C1orf87: variants seen among roughly 807,000 people sequenced by gnomAD.
C1orf87 encodes the protein uncharacterized protein C1orf87.
In C1orf87, 58 loss-of-function variants were observed where a neutral mutation model predicts 60.5. That is an observed-to-expected ratio of 0.96 (90% CI 0.78 to 1.19). The LOEUF (loss-of-function observed/expected upper bound fraction) is 1.19. C1orf87 is among the 50% of genes most tolerant of loss of function. C1orf87 has a pLI of 0.00. For synonymous variants in C1orf87, 236 were observed against 227.4 expected (o/e 1.04, Z -0.34); for missense variants, 673 against 638.6 (o/e 1.05, Z -0.58).
rs1436429891 is a variant in C1orf87 at position 59,990,492 on chromosome 1, G to T, written c.*181C>A. 1.6e-6 allele frequency: 1 copy of T among 615,410 alleles called. No individual in the cohort carries two copies. The highest frequency in any genetic ancestry group is 3.0e-5 in the Admixed American group (1 of 33,692). The allele number at this position is 615,410 out of a possible 1,614,324, so 38.1% of individuals were successfully genotyped here. On this transcript the variant is annotated 3_prime_UTR_variant, in exon 12 of 12. Coordinates refer to ENST00000371201, the MANE Select transcript of C1orf87 (RefSeq NM_152377.3). ...AAACTAGGTTTCCTCTGATCACTTT[G>T]AACTGCTTATGAGTGAGCATCATAG...
chr1:60,064,249 T>A (rs1645517108), intron 2 of C1orf87, among the ~76,000 whole-genome samples: 1 of 145,442 alleles, frequency 6.9e-6, no homozygotes, highest in South Asian at 2.1e-4. Flanking sequence ...CCTTTATATA[T>A]GATATATATA....
intron 3 of C1orf87, among the ~76,000 whole-genome samples, chr1:60,053,555 T>A (rs611926): frequency 0.39 from 59,894 of 151,894 alleles, 12,335 homozygotes; most frequent in South Asian, 0.48. Flanking sequence ...GTAGGATGAT[T>A]TTTTTCATGC....
chr1:60,003,916 C>A (rs1645025296), intron 9 of C1orf87, among the ~76,000 whole-genome samples: 1 of 151,920 alleles, frequency 6.6e-6, no homozygotes, highest in Non-Finnish European at 1.5e-5. Context: ...TAGAGCAAAC[C>A]TTAATAGTGG....
At chr1:59,998,555 C>A (rs1161678963) in intron 10 of C1orf87, among the ~76,000 whole-genome samples, 1 of 152,056 alleles carries the variant, frequency 6.6e-6, no homozygotes, top group East Asian at 1.9e-4. Flanking sequence ...TTTGATCTGC[C>A]CAGCCCACCT....
chr1:60,003,475 A>T (rs576844026), intron 9 of C1orf87, among the ~76,000 whole-genome samples: 26 of 152,230 alleles, frequency 1.7e-4, no homozygotes, highest in African/African-American at 3.8e-4. Context: ...AGTATAATTT[A>T]AAAAAATCAC....
chr1:60,058,046 A>G (rs1574326396), intron 2 of C1orf87, among the ~76,000 whole-genome samples: 1 of 152,194 alleles, frequency 6.6e-6, no homozygotes, highest in East Asian at 1.9e-4. Flanking sequence ...TGAGAAGGAG[A>G]GTGTATATTT....
intron 2 of C1orf87, among the ~76,000 whole-genome samples, chr1:60,056,137 G>C (rs1248503548): frequency 2.0e-5 from 3 of 152,100 alleles, no homozygotes; most frequent in Admixed American, 6.5e-5. Context: ...CCAGCTACTT[G>C]GGAGGCTGAG....
chr1:59,999,347 T>G (rs532899728), intron 10 of C1orf87, among the ~76,000 whole-genome samples: 1 of 152,198 alleles, frequency 6.6e-6, no homozygotes, highest in African/African-American at 2.4e-5. Flanking sequence ...AGTTTTCATA[T>G]AGTAAATTAG....
At chr1:59,996,440 C>A (rs750734282) in intron 11 of C1orf87, among the ~76,000 whole-genome samples, 8 of 152,168 alleles carry the variant, frequency 5.3e-5, no homozygotes, top group Non-Finnish European at 1.2e-4. Flanking sequence ...AGTACAACTT[C>A]ATTACACCAC....
At chr1:60,003,840 A>G (rs1645024570) in intron 9 of C1orf87, among the ~76,000 whole-genome samples, 1 of 152,018 alleles carries the variant, frequency 6.6e-6, no homozygotes, top group South Asian at 2.1e-4. Flanking sequence ...TTCTTTTCCA[A>G]TCCTGGGAGA....
intron 7 of C1orf87, among the ~76,000 whole-genome samples, chr1:60,026,925 A>G (rs1344919115): frequency 6.6e-6 from 1 of 152,214 alleles, no homozygotes; most frequent in Non-Finnish European, 1.5e-5. Context: ...TAAGTGATAT[A>G]CAAAACATAA....
chr1:59,997,319 G>C (rs1644970062), intron 11 of C1orf87, among the ~76,000 whole-genome samples: 1 of 152,008 alleles, frequency 6.6e-6, no homozygotes, highest in Non-Finnish European at 1.5e-5. Context: ...TTATCAGTGG[G>C]GTATCTCTGA....
intron 2 of C1orf87, among the ~76,000 whole-genome samples, chr1:60,055,655 C>T (rs780008051): frequency 5.3e-5 from 8 of 152,004 alleles, no homozygotes; most frequent in Non-Finnish European, 1.2e-4. Flanking sequence ...TTTTCCTTAC[C>T]CTCTTCCTCA....
intron 2 of C1orf87, among the ~76,000 whole-genome samples, chr1:60,068,799 C>A (rs538395205): frequency 6.6e-6 from 1 of 152,258 alleles, no homozygotes; most frequent in African/African-American, 2.4e-5. Flanking sequence ...AAGCCTCTGA[C>A]TCTGTGATAT....
chr1:60,040,120 T>C lies in C1orf87; in HGVS notation c.544A>G (p.Arg182Gly), dbSNP rs767079918. 7.9e-5 allele frequency: 127 copies of C among 1,614,094 alleles called. No individual in the cohort carries two copies. Among genetic ancestry groups the C allele is most frequent in the Non-Finnish European group, 1.1e-4 (124 of 1,180,026 alleles). ...NEDAFLLALV[R>G]RELKSRPLSS... is the part of the protein sequence containing the mutation. ...AAAGGACGTGACTTGAGTTCTCTTCTGACCAGGGCAAGAAGAAAAGCGTCT... is the reference window on the plus strand; with the variant it reads ...AAAGGACGTGACTTGAGTTCTCTTCCGACCAGGGCAAGAAGAAAAGCGTCT... The change falls in exon 5 of 12, where the codon AGA becomes GGA. Residue 182 changes from arginine to glycine, a missense_variant. Transcript: ENST00000371201.
chr1:59,992,245 T>G (rs1285297777), intron 11 of C1orf87, among the ~76,000 whole-genome samples: 1 of 149,882 alleles, frequency 6.7e-6, no homozygotes, highest in Non-Finnish European at 1.5e-5. Context: ...TTTATTTATT[T>G]ATTTATTTAT....
chr1:60,038,880 T>C (rs1323640069), intron 5 of C1orf87, among the ~76,000 whole-genome samples: 1 of 152,122 alleles, frequency 6.6e-6, no homozygotes, highest in East Asian at 1.9e-4. Flanking sequence ...AGCTCCAGGG[T>C]AGCAGAGTGG....
At chr1:60,036,848 T>C (rs1272106208) in intron 6 of C1orf87, among the ~76,000 whole-genome samples, 1 of 152,242 alleles carries the variant, frequency 6.6e-6, no homozygotes, top group Non-Finnish European at 1.5e-5. Context: ...GAAGTGACTA[T>C]GGATGCCTGA....
rs149444168 is a variant in C1orf87 at position 60,043,219 on chromosome 1, G to A, written c.343-2088C>T. On this transcript the variant is annotated intron_variant, in intron 3 of 11. Coordinates refer to ENST00000371201, the MANE Select transcript of C1orf87 (RefSeq NM_152377.3). ...TACCTTTAGCCTTGTTAGCATCTAC[G>A]CTTTATTCTGAGGGCAGTGGGAGCC... 9.1e-3 allele frequency among the ~76,000 whole-genome samples: 1,389 copies of A among 152,270 alleles called. 10 individuals carry two copies. The highest frequency in any genetic ancestry group is 0.015 in the Non-Finnish European group (997 of 68,012).
Sources: gnomAD v4.1 joint callset for allele counts (sites outside exome capture counted in the v4.1 genomes callset) on GRCh38, gnomAD v4.1.1 for gene constraint, MANE v1.5 for transcripts, NCBI Gene and HGNC (gene_info 2026-07-23, HGNC 2026-07-21) for gene names.